The following VAV3 variants were observed in gnomAD, a reference collection of about 807,000 sequenced individuals.
VAV3 encodes vav guanine nucleotide exchange factor 3.
Under a neutral mutation model 131.2 loss-of-function variants are expected in VAV3, and 94 were observed. That is an observed-to-expected ratio of 0.72 (90% confidence interval 0.61 to 0.85). VAV3 has a LOEUF of 0.85. VAV3 is among the 40% of genes least tolerant of loss of function. VAV3 has a pLI of 0.00. For synonymous variants in VAV3, 349 were observed against 342.0 expected (o/e 1.02, Z -0.22); for missense variants, 939 against 1,002.7 (o/e 0.94, Z 0.86).
At chr1:107,721,377 C>A (rs1441414236) in intron 15 of VAV3, among the ~76,000 whole-genome samples, 1 of 152,072 alleles carries the variant, frequency 6.6e-6, no homozygotes, top group Non-Finnish European at 1.5e-5. Context: ...TGGCCAATAA[C>A]CTTTATCAAG....
At chr1:107,764,077 A>T (rs1664592588) in intron 9 of VAV3, among the ~76,000 whole-genome samples, 2 of 1,474 alleles carry the variant, frequency 1.4e-3, no homozygotes, top group Admixed American at 0.05. Context: ...CTCTTCAGGA[A>T]AAAAAAAAAC....
chr1:107,912,814 T>C (rs1048695051), intron 1 of VAV3, among the ~76,000 whole-genome samples: 1 of 152,206 alleles, frequency 6.6e-6, no homozygotes, highest in African/African-American at 2.4e-5. Flanking sequence ...CTCTAGCAGA[T>C]TCCTTTATGA....
intron 2 of VAV3, among the ~76,000 whole-genome samples, chr1:107,842,753 A>G (rs1393275681): frequency 1.3e-5 from 2 of 151,926 alleles, no homozygotes; most frequent in Admixed American, 1.3e-4. Context: ...TCTCTATCAT[A>G]TGTAGGATAT....
intron 15 of VAV3, among the ~76,000 whole-genome samples, chr1:107,722,835 C>CCT (rs747865257): frequency 2.0e-5 from 1 of 48,924 alleles, no homozygotes. Context: ...GCCCTATTAT[C>CCT]CTCTCTTTTT....
intron 20 of VAV3, among the ~76,000 whole-genome samples, chr1:107,622,047 A>G (rs1288565290): frequency 6.6e-6 from 1 of 152,176 alleles, no homozygotes; most frequent in East Asian, 1.9e-4. Context: ...AGCAGACATA[A>G]AGCAACATAA....
At chr1:107,936,713 C>T (rs1181302883) in intron 1 of VAV3, among the ~76,000 whole-genome samples, 1 of 152,166 alleles carries the variant, frequency 6.6e-6, no homozygotes, top group East Asian at 1.9e-4. Flanking sequence ...GAATGCATGA[C>T]AAAATGCCAA....
At chr1:107,904,247 T>C (rs556248998) in intron 1 of VAV3, among the ~76,000 whole-genome samples, 1 of 152,312 alleles carries the variant, frequency 6.6e-6, no homozygotes, top group Admixed American at 6.5e-5. Flanking sequence ...TGTTAAAGAA[T>C]GCCATGTTAC....
At chr1:107,848,905 T>A (rs1014582055) in intron 2 of VAV3, among the ~76,000 whole-genome samples, 7 of 152,044 alleles carry the variant, frequency 4.6e-5, no homozygotes, top group African/African-American at 1.7e-4. Context: ...TGTGCAAAAA[T>A]CATAAACATT....
chr1:107,924,188 G>C (rs1374294509), intron 1 of VAV3, among the ~76,000 whole-genome samples: 1 of 152,122 alleles, frequency 6.6e-6, no homozygotes, highest in Non-Finnish European at 1.5e-5. Flanking sequence ...GGTGAGAAGT[G>C]ACAGAAATTT....
intron 2 of VAV3, among the ~76,000 whole-genome samples, chr1:107,821,862 T>C (rs532986205): frequency 6.6e-6 from 1 of 152,344 alleles, no homozygotes; most frequent in East Asian, 1.9e-4. Flanking sequence ...CAAGGTCTCG[T>C]ATAAAGAAAG....
intron 1 of VAV3, among the ~76,000 whole-genome samples, chr1:107,878,960 T>C (rs762487724): frequency 6.6e-6 from 1 of 152,148 alleles, no homozygotes; most frequent in Non-Finnish European, 1.5e-5. Flanking sequence ...TATTCTTTTG[T>C]CAAAAAACAG....
chr1:107,736,262 G>GA (rs1662624512), intron 15 of VAV3, among the ~76,000 whole-genome samples: 1 of 152,098 alleles, frequency 6.6e-6, no homozygotes, highest in South Asian at 2.1e-4. Context: ...TACTGAATGG[G>GA]AAAAAACTGG....
chr1:107,586,165 C>A (rs1240635072), intron 25 of VAV3, among the ~76,000 whole-genome samples: 4 of 149,506 alleles, frequency 2.7e-5, no homozygotes. Flanking sequence ...TTTCCCAGAG[C>A]GCTCAGTAAC....
At chr1:107,956,928 G>A (rs1674843990) in intron 1 of VAV3, among the ~76,000 whole-genome samples, 2 of 152,126 alleles carry the variant, frequency 1.3e-5, no homozygotes, top group Non-Finnish European at 2.9e-5. Context: ...TAGTATTTAA[G>A]CTAAGTAGGA....
chr1:107,615,420 C>T (rs1279404009), intron 21 of VAV3, among the ~76,000 whole-genome samples: 1 of 152,026 alleles, frequency 6.6e-6, no homozygotes, highest in Non-Finnish European at 1.5e-5. Context: ...GAAGGTGAAC[C>T]CCTTCCTTAT....
intron 25 of VAV3, among the ~76,000 whole-genome samples, chr1:107,582,485 A>G (rs1196529276): frequency 2.6e-5 from 4 of 151,948 alleles, no homozygotes; most frequent in Non-Finnish European, 4.4e-5. Context: ...ATATGTATAC[A>G]TGTGCCACGC....
At position 107,783,292 on chromosome 1, in the gene VAV3, G is replaced by A. The variant is rs114607892; in HGVS notation, c.322-3800C>T. Among the ~76,000 whole-genome samples the A allele has an allele frequency of 5.5e-3, 834 of 152,234 alleles. 7 individuals are homozygous for A. The highest frequency in any genetic ancestry group is 0.018 in the African/African-American group (762 of 41,546). On this transcript the variant is annotated intron_variant, in intron 2 of 26. Transcript: ENST00000370056. ...TAAAGCAAAGTGAAGGGCAGACTGG[G>A]GTAGAGGACATAGGGAACAGAGAAG...
At chr1:107,867,391 A>G (rs1468463097) in intron 2 of VAV3, among the ~76,000 whole-genome samples, 1 of 152,196 alleles carries the variant, frequency 6.6e-6, no homozygotes, top group Non-Finnish European at 1.5e-5. Flanking sequence ...GTAGGAATGG[A>G]AAAATCTGCC....
intron 17 of VAV3, chr1:107,688,666 A>G: frequency 1.2e-6 from 1 of 833,414 alleles, no homozygotes; most frequent in South Asian, 2.2e-5. Flanking sequence ...TTGTTTATTA[A>G]GCAATGTCAG....
Sources: gnomAD v4.1 joint callset for allele counts (sites outside exome capture counted in the v4.1 genomes callset) on GRCh38, gnomAD v4.1.1 for gene constraint, MANE v1.5 for transcripts, NCBI Gene and HGNC (gene_info 2026-07-23, HGNC 2026-07-21) for gene names.